ANO3: variants seen among roughly 807,000 people sequenced by gnomAD.
ANO3 encodes anoctamin 3.
A neutral mutation model predicts 144.8 loss-of-function variants in ANO3; 99 were observed. The observed-to-expected ratio is 0.68, with a 90% CI of 0.58 to 0.81. The LOEUF (loss-of-function observed/expected upper bound fraction) is 0.81, where lower values mean the gene tolerates loss of function less well. ANO3 is among the 30% of genes least tolerant of loss of function. The probability of loss-of-function intolerance (pLI) is 0.00; values close to 1 mark genes in which losing one functional copy is unlikely to be tolerated. For synonymous variants in ANO3, 414 were observed against 392.6 expected, an observed-to-expected ratio of 1.05 and a Z score of -0.64; for missense variants, 905 against 1,202.2, an observed-to-expected ratio of 0.75 and a Z score of 3.66.
At chr11:26,299,853 A>G (rs1854184426) in intron 1 of ANO3, among the ~76,000 whole-genome samples, 1 of 152,194 alleles carries the variant, frequency 6.6e-6, no homozygotes, top group Non-Finnish European at 1.5e-5. Context: ...TGAGTATACA[A>G]TTGCCAATAA....
intron 7 of ANO3, among the ~76,000 whole-genome samples, chr11:26,526,478 G>C (rs1849166766): frequency 6.6e-6 from 1 of 152,164 alleles, no homozygotes; most frequent in Non-Finnish European, 1.5e-5. Flanking sequence ...AAATGATGTT[G>C]AAGGATGTAT....
At chr11:26,355,222 GA>G (rs1275269236) in intron 1 of ANO3, among the ~76,000 whole-genome samples, 1 of 151,952 alleles carries the variant, frequency 6.6e-6, no homozygotes, top group Non-Finnish European at 1.5e-5. Flanking sequence ...GCAGCTTATT[GA>G]AAAACAGTGA....
chr11:26,236,650 C>A lies in ANO3; in HGVS notation c.154+47320C>A, dbSNP rs1272622642. 6.6e-5 allele frequency among the ~76,000 whole-genome samples: 10 copies of A among 152,042 alleles called. No individual in the cohort carries two copies. In the East Asian group the frequency reaches 7.8e-4, roughly 12 times the overall value. ...TGGCTAACACAGTGAAACCCTGTCT[C>A]TACTAAAAATACAAAAAATTAGCCG... is the stretch of plus-strand genomic sequence containing the variant. On this transcript the variant is annotated intron_variant, in intron 1 of 27. Coordinates refer to the ANO3 transcript ENST00000672621.
intron 23 of ANO3, 44 bp from the exon 24 acceptor site, chr11:26,647,665 T>C (rs374712109): frequency 5.3e-5 from 83 of 1,554,046 alleles, no homozygotes; most frequent in Middle Eastern, 1.7e-4. Flanking sequence ...AGGGTTTTCA[T>C]ATTCTTCATT....
intron 1 of ANO3, among the ~76,000 whole-genome samples, chr11:26,247,230 CT>C (rs1852817218): frequency 6.6e-6 from 1 of 152,000 alleles, no homozygotes; most frequent in African/African-American, 2.4e-5. Context: ...GTGTAGATTT[CT>C]GACTCAAAGT....
intron 1 of ANO3, among the ~76,000 whole-genome samples, chr11:26,423,961 T>C (rs1443772679): frequency 6.6e-6 from 1 of 152,008 alleles, no homozygotes; most frequent in East Asian, 1.9e-4. Flanking sequence ...ATCTATGACG[T>C]AGGCATTGTT....
intron 1 of ANO3, among the ~76,000 whole-genome samples, chr11:26,267,607 A>C (rs1032158623): frequency 6.6e-6 from 1 of 152,198 alleles, no homozygotes; most frequent in African/African-American, 2.4e-5. Flanking sequence ...TGAAACATTT[A>C]TTGAGGACAA....
At chr11:26,366,225 A>G (rs777970443) in intron 1 of ANO3, among the ~76,000 whole-genome samples, 28 of 151,856 alleles carry the variant, frequency 1.8e-4, no homozygotes, top group Non-Finnish European at 3.4e-4. Flanking sequence ...ATTCTCACCT[A>G]TGAATGAGAA....
In ANO3 at chr11:26,595,457, G is replaced by GTTTTT. The variant is rs1411703035; in HGVS notation, c.1448-2906_1448-2905insTTTTT. Among the ~76,000 whole-genome samples the GTTTTT allele has an allele frequency of 2.2e-3, 149 of 67,796 alleles. 1 individual carries two copies. The highest frequency in any genetic ancestry group is 5.0e-3 in the East Asian group (12 of 2,392). The allele number at this position is 67,796 out of a possible 152,430, so 44.5% of individuals were successfully genotyped here. A position where few individuals can be genotyped will look rare whatever the true frequency, so the allele number is the denominator to read the frequency against. ...ACTTTTGACTCAGTATTGAGATAGA[G>GTTTTT]TTGTTTTTTTTTTTTTTTTTTTTTT... On this transcript the variant is annotated intron_variant, in intron 14 of 26. Transcript: ENST00000256737.
At chr11:26,364,181 A>G (rs1590294543) in intron 1 of ANO3, among the ~76,000 whole-genome samples, 1 of 152,256 alleles carries the variant, frequency 6.6e-6, no homozygotes, top group East Asian at 1.9e-4. Flanking sequence ...GCCGTTCCAA[A>G]TCAAATAAGA....
At chr11:26,349,374 A>G (rs1327841615) in intron 1 of ANO3, among the ~76,000 whole-genome samples, 1 of 152,206 alleles carries the variant, frequency 6.6e-6, no homozygotes, top group Non-Finnish European at 1.5e-5. Context: ...TTTACAGTGC[A>G]TAACATCAAA....
At chr11:26,463,416 TTTC>T (rs1436256154) in intron 4 of ANO3, among the ~76,000 whole-genome samples, 4 of 151,898 alleles carry the variant, frequency 2.6e-5, no homozygotes, top group Non-Finnish European at 4.4e-5. Flanking sequence ...TAAGGCTTTA[TTTC>T]TTCATCTTTC....
chr11:26,512,397 G>A (rs1861699080), intron 5 of ANO3, among the ~76,000 whole-genome samples: 1 of 152,198 alleles, frequency 6.6e-6, no homozygotes, highest in African/African-American at 2.4e-5. Context: ...GAACAGAATA[G>A]TGCCAGATTG....
At chr11:26,371,497 A>G (rs1394627459) in intron 1 of ANO3, among the ~76,000 whole-genome samples, 2 of 152,184 alleles carry the variant, frequency 1.3e-5, no homozygotes, top group Non-Finnish European at 2.9e-5. Context: ...GAAGAGGACC[A>G]TCATCATCAT....
chr11:26,489,606 G>C (rs1246472286), intron 4 of ANO3, among the ~76,000 whole-genome samples: 1 of 152,226 alleles, frequency 6.6e-6, no homozygotes, highest in Non-Finnish European at 1.5e-5. Context: ...AAAGCATCCA[G>C]AAGGGAGGGT....
chr11:26,306,810 A>T (rs931279011), upstream of ANO3, among the ~76,000 whole-genome samples: 3 of 152,224 alleles, frequency 2.0e-5, no homozygotes, highest in Non-Finnish European at 4.4e-5. Flanking sequence ...AGGTCTCCTA[A>T]GTATGAAATA....
chr11:26,210,654 T>G (rs888099393), intron 1 of ANO3, among the ~76,000 whole-genome samples: 2 of 152,330 alleles, frequency 1.3e-5, no homozygotes, highest in African/African-American at 4.8e-5. Context: ...CCTCTCTTAT[T>G]TCCTTGAGCA....
chr11:26,288,446 C>G (rs1431247247), intron 1 of ANO3, among the ~76,000 whole-genome samples: 2 of 152,138 alleles, frequency 1.3e-5, no homozygotes, highest in African/African-American at 2.4e-5. Flanking sequence ...AATTATAAAT[C>G]TGGACTCTTA....
chr11:26,598,753 T>C, intron 15 of ANO3, 105 bp from the exon 16 acceptor site: 1 of 1,143,168 alleles, frequency 8.7e-7, no homozygotes, highest in African/African-American at 1.6e-5. Flanking sequence ...TTGTGAAGAC[T>C]TAATACAAAA....
Sources: gnomAD v4.1 joint callset for allele counts (sites outside exome capture counted in the v4.1 genomes callset) on GRCh38, gnomAD v4.1.1 for gene constraint, MANE v1.5 for transcripts, NCBI Gene and HGNC (gene_info 2026-07-23, HGNC 2026-07-21) for gene names.